MYLK: variants seen among roughly 807,000 people sequenced by gnomAD.
The protein encoded by MYLK is myosin light chain kinase, smooth muscle.
Under a neutral mutation model 203.4 loss-of-function variants are expected in MYLK, and 106 were observed. The observed-to-expected ratio is 0.52, with a 90% CI of 0.45 to 0.61. The LOEUF (loss-of-function observed/expected upper bound fraction) is 0.61, where lower values mean the gene tolerates loss of function less well. Ranked by LOEUF, MYLK falls within the 20% of genes least tolerant of loss-of-function variation. The pLI, the probability that MYLK is intolerant of heterozygous loss-of-function variation, is 0.00. For missense variants in MYLK, 2,072 were observed against 2,442.3 expected (o/e 0.85, Z 3.20); for synonymous variants, 867 against 959.5 (o/e 0.90, Z 1.78).
intron 14 of MYLK, chr3:123,709,402 A>T (rs2061603546): frequency 3.2e-6 from 1 of 312,740 alleles, no homozygotes. Flanking sequence ...GGCCTCACAA[A>T]GTGCTGGGAT....
chr3:123,637,864 A>C (rs2058698181), intron 29 of MYLK, among the ~76,000 whole-genome samples: 1 of 152,154 alleles, frequency 6.6e-6, no homozygotes, highest in South Asian at 2.1e-4. Context: ...GATGCTATAG[A>C]ATATGCATGC....
chr3:123,678,521 G>GC (rs369779407), intron 20 of MYLK, among the ~76,000 whole-genome samples: 9 of 151,932 alleles, frequency 5.9e-5, no homozygotes, highest in African/African-American at 1.2e-4. Context: ...TCAGCAGGGA[G>GC]GGGGGTGTGC....
At chr3:123,658,519 A>G (rs769934544) in intron 23 of MYLK, among the ~76,000 whole-genome samples, 8 of 152,082 alleles carry the variant, frequency 5.3e-5, no homozygotes, top group Non-Finnish European at 1.0e-4. Flanking sequence ...TTAACCCTTC[A>G]TCTCCCCCAA....
intron 16 of MYLK, among the ~76,000 whole-genome samples, 161 bp from the exon 17 acceptor site, chr3:123,701,670 A>G (rs2061235250): frequency 6.6e-6 from 1 of 152,224 alleles, no homozygotes; most frequent in Non-Finnish European, 1.5e-5. Context: ...GGACCCTCTC[A>G]CTGTGTGGTC....
At chr3:123,698,214 C>T (rs531906947) in intron 18 of MYLK, among the ~76,000 whole-genome samples, 4 of 152,286 alleles carry the variant, frequency 2.6e-5, no homozygotes, top group African/African-American at 9.6e-5. Context: ...CCTGCTGAGA[C>T]CCTGAAGCCC....
At chr3:123,773,677 G>A (rs998546674) in intron 4 of MYLK, among the ~76,000 whole-genome samples, 1 of 152,168 alleles carries the variant, frequency 6.6e-6, no homozygotes, top group Admixed American at 6.5e-5. Context: ...AGCAGAGGAG[G>A]GTGAGGCTTC....
Position 123,648,989 on chromosome 3 carries a change from A to G in MYLK, c.4397T>C (p.Ile1466Thr), listed in dbSNP as rs766722671. The part of the protein sequence containing the change: ...TEQKVSDFYD[I>T]EERLGSGKFG... ...CACTTACGATCCTAATCTCTCCTCAATGTCGTAGAAGTCAGATACTTTTTG... is the reference window on the plus strand; with the variant it reads ...CACTTACGATCCTAATCTCTCCTCAGTGTCGTAGAAGTCAGATACTTTTTG... The change falls in exon 26 of 34, where the codon ATT becomes ACT. Residue 1466 changes from isoleucine (I) to threonine (T), a missense_variant. Ile to Thr is a moderately conservative substitution (Grantham distance 89). Coordinates refer to ENST00000360304, the MANE Select transcript of MYLK (RefSeq NM_053025.4). This position sits in a 1 kb window ranked among gnomAD's most constrained non-coding sequence, Gnocchi z 4.5. 21 of 1,613,928 alleles carry G rather than the reference A, an allele frequency of 1.3e-5. No homozygotes were observed. The highest frequency in any genetic ancestry group is 9.9e-5 in the South Asian group (9 of 91,078).
intron 2 of MYLK, among the ~76,000 whole-genome samples, chr3:123,859,186 A>G (rs16834817): frequency 0.12 from 17,574 of 152,302 alleles, 1,050 homozygotes; most frequent in Middle Eastern, 0.22. Context: ...CAAAGTGCCT[A>G]AATTCCATTC....
At chr3:123,708,490 T>C (rs1283340150) in intron 15 of MYLK, among the ~76,000 whole-genome samples, 1 of 152,182 alleles carries the variant, frequency 6.6e-6, no homozygotes, top group East Asian at 1.9e-4. Context: ...GGGCAGGGAC[T>C]TCAGAAAGCT....
At chr3:123,768,895 C>T (rs907461299) in intron 4 of MYLK, among the ~76,000 whole-genome samples, 5 of 152,196 alleles carry the variant, frequency 3.3e-5, no homozygotes, top group Admixed American at 2.6e-4. Context: ...CGCAAGTGCA[C>T]TCTCCCCCTC....
rs544389531 is a variant in MYLK, at chr3:123,708,035, G to A, written c.2141-32C>T. On this transcript the variant is annotated intron_variant, in intron 15 of 33. Transcript: ENST00000360304. ...ATTGGCAAAGGGCAGAGCTAAACAG[G>A]GATGTCCCTCAGCAGGCAGTGTCCA... 5.0e-6 allele frequency: 8 copies of A among 1,613,302 alleles called. No homozygotes were observed. The Admixed American group carries it at 6.7e-5, about 13-fold the overall frequency.
At chr3:123,876,419 T>C (rs2033155259) in intron 2 of MYLK, 140 bp downstream of exon 2, 1 of 152,170 alleles carries the variant, frequency 6.6e-6, no homozygotes, top group African/African-American at 2.4e-5. Flanking sequence ...TTAAGGTATA[T>C]TGTAATTTAG....
At position 123,732,891 on chromosome 3, in the gene MYLK, C is replaced by G; in HGVS notation, c.1516+5G>C. 6.2e-7 allele frequency: 1 copy of G among 1,612,822 alleles called. No homozygotes were observed. The highest frequency in any genetic ancestry group is 8.5e-7 in the Non-Finnish European group (1 of 1,179,018). On this transcript the variant is annotated splice_donor_5th_base_variant and intron_variant, in intron 11 of 33. Coordinates refer to ENST00000360304, the MANE Select transcript of MYLK (RefSeq NM_053025.4). ...ATGCGGGGTGACCTGGAGAAGTGTA[C>G]TCACTTTCCACTTGGAGGGTCCAGC...
chr3:123,634,478 C>T (rs763201775), intron 29 of MYLK, among the ~76,000 whole-genome samples: 56 of 152,216 alleles, frequency 3.7e-4, no homozygotes, highest in Non-Finnish European at 7.5e-4. Context: ...CCACCATACA[C>T]ACCTCTCCTC....
chr3:123,649,976 G>T (rs1235935618), intron 24 of MYLK, among the ~76,000 whole-genome samples: 2 of 152,194 alleles, frequency 1.3e-5, no homozygotes, highest in African/African-American at 4.8e-5. Context: ...GTGAGGCAGG[G>T]CAGGGAGGGA....
chr3:123,638,660 TC>T (rs2058730449), intron 28 of MYLK: 1 of 706,320 alleles, frequency 1.4e-6, no homozygotes, highest in South Asian at 6.4e-5. Context: ...TGCAGTGATT[TC>T]CCCACCCGGT....
chr3:123,872,969 T>C (rs1264843539), intron 2 of MYLK, among the ~76,000 whole-genome samples: 4 of 152,084 alleles, frequency 2.6e-5, no homozygotes, highest in African/African-American at 4.8e-5. Context: ...TGAAGCTATA[T>C]AGGGGCTCAC....
At chr3:123,778,240 G>A (rs968717479) in intron 4 of MYLK, among the ~76,000 whole-genome samples, 1 of 152,078 alleles carries the variant, frequency 6.6e-6, no homozygotes, top group Non-Finnish European at 1.5e-5. Context: ...ACACATATAT[G>A]GTATAGAGTA....
intron 2 of MYLK, among the ~76,000 whole-genome samples, chr3:123,837,537 T>TTA (rs1191608356): frequency 6.1e-5 from 9 of 146,996 alleles, no homozygotes; most frequent in Non-Finnish European, 1.3e-4. Context: ...AATACATATT[T>TTA]TATATATATA....
Sources: allele counts gnomAD v4.1 joint callset (sites outside exome capture counted in the v4.1 genomes callset), GRCh38; gene constraint gnomAD v4.1.1; non-coding constraint Gnocchi (gnomAD v3.1); transcripts MANE v1.5; gene names NCBI Gene and HGNC (gene_info 2026-07-23, HGNC 2026-07-21).